NCAM2: variants seen among roughly 807,000 people sequenced by gnomAD.
The protein encoded by NCAM2 is neural cell adhesion molecule 2.
Under a neutral mutation model 98.1 loss-of-function variants are expected in NCAM2, and 30 were observed. The ratio of observed to expected loss-of-function variants is 0.31; its 90% confidence interval spans 0.23 to 0.41. NCAM2 has a LOEUF of 0.41. Ranked by LOEUF, NCAM2 falls within the 10% of genes least tolerant of loss-of-function variation. The probability of loss-of-function intolerance (pLI) is 1.00; values close to 1 mark genes in which losing one functional copy is unlikely to be tolerated. For missense variants in NCAM2, 867 were observed against 1,005.8 expected (o/e 0.86, Z 1.87); for synonymous variants, 368 against 342.4 (o/e 1.07, Z -0.83).
Position 21,387,176 on chromosome 21 carries a change from GCACACACACATACACA to G in NCAM2, c.1195+13174_1195+13189del, listed in dbSNP as rs1241690739. 4.9e-4 allele frequency among the ~76,000 whole-genome samples: 61 copies of G among 125,546 alleles called. 1 individual carries two copies. Among genetic ancestry groups the G allele is most frequent in the East Asian group, 3.2e-3 (15 of 4,732 alleles). 82.4% of individuals were successfully genotyped at this position (125,546 alleles called of 152,430 possible). ...TACTGGCATGGCCTTTACTTGGTGCGCACACACACATACACACACACACACACACACACACACACAC... is the reference window on the plus strand; with the variant it reads ...TACTGGCATGGCCTTTACTTGGTGCGCACACACACACACACACACACACAC... On this transcript the variant is annotated intron_variant, in intron 9 of 17. Coordinates refer to ENST00000400546, the MANE Select transcript of NCAM2 (RefSeq NM_004540.5).
chr21:21,165,407 CA>C, intron 1 of NCAM2, among the ~76,000 whole-genome samples: 1 of 152,164 alleles, frequency 6.6e-6, no homozygotes, highest in East Asian at 1.9e-4. Flanking sequence ...CAGATGTTCA[CA>C]TTAAATCACA....
intron 5 of NCAM2, among the ~76,000 whole-genome samples, chr21:21,293,670 T>C (rs1206766119): frequency 6.6e-6 from 1 of 151,876 alleles, no homozygotes; most frequent in Non-Finnish European, 1.5e-5. Context: ...GTATCTAACC[T>C]TTATCTATAT....
intron 1 of NCAM2, among the ~76,000 whole-genome samples, chr21:21,089,831 G>A (rs557887952): frequency 8.6e-4 from 131 of 152,220 alleles, no homozygotes; most frequent in African/African-American, 3.0e-3. Context: ...GAGTTTATAC[G>A]TATATGGCTT....
intron 1 of NCAM2, among the ~76,000 whole-genome samples, chr21:21,112,836 T>TTA (rs2066481917): frequency 6.6e-6 from 1 of 152,152 alleles, no homozygotes; most frequent in Admixed American, 6.5e-5. Flanking sequence ...ATAACAAGTA[T>TTA]TATAGTAAAA....
At chr21:21,268,150 A>T (rs1568861658) in intron 1 of NCAM2, among the ~76,000 whole-genome samples, 1 of 152,132 alleles carries the variant, frequency 6.6e-6, no homozygotes, top group African/African-American at 2.4e-5. Flanking sequence ...GGGCTCCCTC[A>T]TGTTGCCATG....
At chr21:21,124,297 A>G (rs1354382414) in intron 1 of NCAM2, among the ~76,000 whole-genome samples, 1 of 152,212 alleles carries the variant, frequency 6.6e-6, no homozygotes, top group African/African-American at 2.4e-5. Flanking sequence ...ATAAAATTAT[A>G]ATTCATTCTT....
intron 9 of NCAM2, among the ~76,000 whole-genome samples, chr21:21,390,571 A>C (rs1481219454): frequency 6.6e-6 from 1 of 152,196 alleles, no homozygotes; most frequent in Non-Finnish European, 1.5e-5. Flanking sequence ...CCTTAACATA[A>C]ATGTATATAA....
intron 5 of NCAM2, among the ~76,000 whole-genome samples, chr21:21,319,917 T>C (rs2074330668): frequency 6.6e-6 from 1 of 152,194 alleles, no homozygotes; most frequent in South Asian, 2.1e-4. Context: ...TGCTGATTCC[T>C]CTTATATTAA....
intron 12 of NCAM2, among the ~76,000 whole-genome samples, chr21:21,459,123 A>T (rs1421910281): frequency 6.6e-6 from 1 of 152,140 alleles, no homozygotes; most frequent in Non-Finnish European, 1.5e-5. Context: ...ATCATCAGAG[A>T]AATGAAATCA....
At chr21:21,237,819 A>G (rs1056037084) in intron 1 of NCAM2, among the ~76,000 whole-genome samples, 93 of 152,058 alleles carry the variant, frequency 6.1e-4, no homozygotes, top group African/African-American at 2.1e-3. Flanking sequence ...CTTAACCAAT[A>G]CTCATATTTA....
Position 21,411,005 on chromosome 21 carries a change from TA to T in NCAM2, c.1383+555del, listed in dbSNP as rs1337739635. Among the ~76,000 whole-genome samples, 43 of 98,608 alleles carry T rather than the reference TA, an allele frequency of 4.4e-4. 1 individual carries two copies. Among genetic ancestry groups the T allele is most frequent in the African/African-American group, 8.1e-4 (19 of 23,424 alleles). The allele number at this position is 98,608 out of a possible 152,430, so 64.7% of individuals were successfully genotyped here. ...CTGGTGACAGAGCGAGACTCCGTCT[TA>T]AAAAAAAAAATATATATATATATAT... On this transcript the variant is annotated intron_variant, in intron 10 of 17. Coordinates refer to ENST00000400546, the MANE Select transcript of NCAM2 (RefSeq NM_004540.5).
chr21:21,508,674 G>A (rs1298186784), intron 15 of NCAM2, among the ~76,000 whole-genome samples, 177 bp from the exon 16 acceptor site: 4 of 151,626 alleles, frequency 2.6e-5, no homozygotes, highest in African/African-American at 4.8e-5. Context: ...GGGAATAGGC[G>A]TCAACAATCA....
At chr21:21,156,638 T>C (rs2067622901) in intron 1 of NCAM2, among the ~76,000 whole-genome samples, 1 of 151,648 alleles carries the variant, frequency 6.6e-6, no homozygotes, top group Non-Finnish European at 1.5e-5. Flanking sequence ...ATAGCTTTAG[T>C]TATATGTATC....
Position 21,490,056 on chromosome 21 carries a change from A to C in NCAM2, c.2077+12585A>C, listed in dbSNP as rs113496162. Reference sequence around the variant, plus strand: ...AATATCCATGCTTTGTTTTCCAAAAACCTTTAGTTTTGTTGTCTAAAATTA... The same window carrying C: ...AATATCCATGCTTTGTTTTCCAAAACCCTTTAGTTTTGTTGTCTAAAATTA... On this transcript the variant is annotated intron_variant, in intron 15 of 17. Transcript: ENST00000400546. Among the ~76,000 whole-genome samples the C allele has an allele frequency of 3.9e-3, 600 of 152,092 alleles. 4 individuals are homozygous for C. The highest frequency in any genetic ancestry group is 0.014 in the African/African-American group (566 of 41,550).
At chr21:21,112,403 C>T (rs1170221929) in intron 1 of NCAM2, among the ~76,000 whole-genome samples, 1 of 152,128 alleles carries the variant, frequency 6.6e-6, no homozygotes, top group Non-Finnish European at 1.5e-5. Flanking sequence ...CCTGGCCTAT[C>T]CTTCTCATTT....
At chr21:21,463,402 C>G (rs1251390994) in intron 12 of NCAM2, among the ~76,000 whole-genome samples, 1 of 152,028 alleles carries the variant, frequency 6.6e-6, no homozygotes, top group Non-Finnish European at 1.5e-5. Flanking sequence ...CCTGCATTCA[C>G]GAATCAAAAA....
At chr21:21,428,660 T>C (rs2077265673) in intron 11 of NCAM2, among the ~76,000 whole-genome samples, 1 of 152,224 alleles carries the variant, frequency 6.6e-6, no homozygotes, top group African/African-American at 2.4e-5. Context: ...ACAAGAATTA[T>C]AATGCAGGAA....
intron 5 of NCAM2, among the ~76,000 whole-genome samples, chr21:21,306,763 G>T (rs1235580398): frequency 6.6e-6 from 1 of 152,048 alleles, no homozygotes; most frequent in Non-Finnish European, 1.5e-5. Context: ...TAGTCACCCT[G>T]TTATGGTATC....
chr21:21,485,009 T>C (rs1569110229), intron 15 of NCAM2, among the ~76,000 whole-genome samples: 1 of 152,040 alleles, frequency 6.6e-6, no homozygotes, highest in Admixed American at 6.6e-5. Context: ...CTACTATTGT[T>C]TTTTTTACTG....
Sources: gnomAD v4.1 joint callset for allele counts (sites outside exome capture counted in the v4.1 genomes callset) on GRCh38, gnomAD v4.1.1 for gene constraint, MANE v1.5 for transcripts, NCBI Gene and HGNC (gene_info 2026-07-23, HGNC 2026-07-21) for gene names.